The following SPIN1 variants were observed in gnomAD, a reference collection of about 807,000 sequenced individuals.
The protein encoded by SPIN1 is spindlin-1.
A neutral mutation model predicts 26.0 loss-of-function variants in SPIN1; 3 were observed. The observed-to-expected ratio is 0.12, with a 90% CI of 0.05 to 0.30. SPIN1 has a LOEUF of 0.30. SPIN1 is among the 10% of genes least tolerant of loss of function. The pLI, the probability that SPIN1 is intolerant of heterozygous loss-of-function variation, is 1.00. For synonymous variants in SPIN1, 101 were observed against 116.5 expected, an observed-to-expected ratio of 0.87 and a Z score of 0.86; for missense variants, 126 against 333.4, an observed-to-expected ratio of 0.38 and a Z score of 4.84.
At chr9:88,462,224 G>C (rs933804156) in intron 3 of SPIN1, among the ~76,000 whole-genome samples, 3 of 152,184 alleles carry the variant, frequency 2.0e-5, no homozygotes, top group African/African-American at 4.8e-5. Flanking sequence ...TAGGGCTTAA[G>C]TTGCTATTGA....
At chr9:88,440,625 C>T (rs1828102305) in intron 2 of SPIN1, among the ~76,000 whole-genome samples, 1 of 149,560 alleles carries the variant, frequency 6.7e-6, no homozygotes, top group Non-Finnish European at 1.5e-5. Flanking sequence ...GTTGCCCAGG[C>T]TGGAGTGCAG....
Position 88,426,486 on chromosome 9 carries a change from T to G in SPIN1, c.-54T>G. The G allele has an allele frequency of 6.3e-6, 9 of 1,430,982 alleles. No individual in the cohort carries two copies. The South Asian group carries it at 9.5e-5, about 15-fold the overall frequency. 88.6% of individuals were successfully genotyped at this position (1,430,982 alleles called of 1,614,324 possible). ...CTGTGAAAAGTTTCAAATTGGAGAA[T>G]ATTGAATTTTCACCCTAGTCCAGCA... On this transcript the variant is annotated 5_prime_UTR_variant, in exon 2 of 6. Transcript: ENST00000375859.
chr9:88,473,336 C>T (rs1356880126), intron 5 of SPIN1, among the ~76,000 whole-genome samples: 11 of 138,974 alleles, frequency 7.9e-5, no homozygotes, highest in African/African-American at 2.1e-4. Flanking sequence ...GAAGTTGCAG[C>T]GAGTCGAGAT....
At position 88,408,376 on chromosome 9, in the gene SPIN1, CT is replaced by C. The variant is rs1177261349; in HGVS notation, c.-158-17987del. ...TTTTGGTTTTTCTTTTCCTTTTTTT[CT>C]TTTTTTTTTTTTTTTTTTGAGACGG... On this transcript the variant is annotated intron_variant, in intron 1 of 5. Transcript: ENST00000375859. Among the ~76,000 whole-genome samples the C allele has an allele frequency of 4.9e-3, 569 of 115,374 alleles. 1 individual carries two copies. Among genetic ancestry groups the C allele is most frequent in the African/African-American group, 0.017 (457 of 26,642 alleles). 75.7% of individuals were successfully genotyped at this position (115,374 alleles called of 152,430 possible).
chr9:88,448,843 A>G (rs558201341), intron 2 of SPIN1, 98 bp from the exon 3 acceptor site: 16 of 1,077,612 alleles, frequency 1.5e-5, no homozygotes, highest in African/African-American at 1.3e-4. Context: ...TTTTCTTTTC[A>G]TATTCTGTAT....
intron 1 of SPIN1, chr9:88,391,378 T>C: frequency 5.8e-6 from 1 of 173,102 alleles, no homozygotes; most frequent in Non-Finnish European, 1.3e-5. Flanking sequence ...TTGAATTGGC[T>C]TGGTGTCATG....
intron 4 of SPIN1, among the ~76,000 whole-genome samples, chr9:88,464,077 G>T (rs1828616692): frequency 6.6e-6 from 1 of 152,150 alleles, no homozygotes; most frequent in Non-Finnish European, 1.5e-5. Context: ...ATGGGACTAA[G>T]GGTTCCATGT....
intron 1 of SPIN1, among the ~76,000 whole-genome samples, chr9:88,404,341 T>A (rs575983315): frequency 5.3e-4 from 80 of 152,318 alleles, no homozygotes; most frequent in African/African-American, 1.8e-3. Context: ...TAACTTAACC[T>A]TAGCTTACTC....
At chr9:88,446,331 AATT>A (rs1048788803) in intron 2 of SPIN1, among the ~76,000 whole-genome samples, 1 of 151,074 alleles carries the variant, frequency 6.6e-6, no homozygotes, top group Non-Finnish European at 1.5e-5. Context: ...TATTTAGTTT[AATT>A]ATCAATGTGT....
At chr9:88,410,671 G>T (rs1317556330) in intron 1 of SPIN1, 5 of 1,322,772 alleles carry the variant, frequency 3.8e-6, no homozygotes, top group Middle Eastern at 2.6e-4. Context: ...TTCCTTCGTG[G>T]GTCCAAAATT....
intron 1 of SPIN1, chr9:88,418,642 T>C (rs1827614646): frequency 6.6e-6 from 1 of 152,234 alleles, no homozygotes; most frequent in South Asian, 2.1e-4. Context: ...TGACTCTGTT[T>C]CCTGAGAATT....
intron 4 of SPIN1, among the ~76,000 whole-genome samples, chr9:88,467,800 A>T (rs1302207372): frequency 1.3e-5 from 2 of 151,976 alleles, no homozygotes; most frequent in African/African-American, 4.8e-5. Context: ...ATGCCTTAAT[A>T]AAAAAATGGA....
chr9:88,402,535 C>T (rs1204203748), intron 1 of SPIN1, among the ~76,000 whole-genome samples: 2 of 149,866 alleles, frequency 1.3e-5, no homozygotes, highest in South Asian at 2.1e-4. Context: ...TTTATAGCTC[C>T]CATGTATTTG....
chr9:88,401,155 C>T (rs1276400950), intron 1 of SPIN1, among the ~76,000 whole-genome samples: 1 of 152,158 alleles, frequency 6.6e-6, no homozygotes, highest in Non-Finnish European at 1.5e-5. Context: ...TCTGTTGATC[C>T]AGCAGTTTCA....
At chr9:88,410,162 A>AGTGTGTGTGT (rs138037814) in intron 1 of SPIN1, among the ~76,000 whole-genome samples, 2,534 of 132,988 alleles carry the variant, frequency 0.019, 19 homozygotes, top group Admixed American at 0.034. Context: ...GCATATATTT[A>AGTGTGTGTGT]GTGTGTGTGT....
chr9:88,453,094 A>G (rs1317211319), intron 3 of SPIN1, among the ~76,000 whole-genome samples: 5 of 152,190 alleles, frequency 3.3e-5, no homozygotes, highest in Non-Finnish European at 7.3e-5. Flanking sequence ...AGGTAAAAAG[A>G]TGAAAGGTCG....
chr9:88,423,091 C>G (rs1055443780), intron 1 of SPIN1, among the ~76,000 whole-genome samples: 3 of 152,192 alleles, frequency 2.0e-5, no homozygotes, highest in African/African-American at 4.8e-5. Flanking sequence ...TGCGACTCTT[C>G]CTTCTACTCC....
At chr9:88,451,840 C>T (rs1274061202) in intron 3 of SPIN1, among the ~76,000 whole-genome samples, 1 of 152,166 alleles carries the variant, frequency 6.6e-6, no homozygotes, top group Non-Finnish European at 1.5e-5. Flanking sequence ...GGATTATAGG[C>T]GTGAGCCACC....
At chr9:88,395,202 A>C (rs1276937398) in intron 1 of SPIN1, among the ~76,000 whole-genome samples, 1 of 152,096 alleles carries the variant, frequency 6.6e-6, no homozygotes, top group Admixed American at 6.6e-5. Context: ...TCACAGCTTC[A>C]CTTTAATTCT....
Sources: allele counts gnomAD v4.1 joint callset (sites outside exome capture counted in the v4.1 genomes callset), GRCh38; gene constraint gnomAD v4.1.1; transcripts MANE v1.5; gene names NCBI Gene and HGNC (gene_info 2026-07-23, HGNC 2026-07-21).